The following NOCT variants were observed in gnomAD, a reference collection of about 807,000 sequenced individuals.
NOCT encodes the protein CCR4 carbon catabolite repression 4-like.
In NOCT, 18 loss-of-function variants were observed where a neutral mutation model predicts 35.0. The ratio of observed to expected loss-of-function variants is 0.51; its 90% confidence interval spans 0.36 to 0.76. The LOEUF (loss-of-function observed/expected upper bound fraction) is 0.76. Ranked by LOEUF, NOCT falls within the 30% of genes least tolerant of loss-of-function variation. The pLI is 0.01. For synonymous variants in NOCT, 235 were observed against 226.3 expected (o/e 1.04, Z -0.34); for missense variants, 479 against 541.0 (o/e 0.89, Z 1.14).
chr4:139,026,851 CTTTTTTTTTTCTTTTTT>C (rs1726526697), intron 1 of NOCT, among the ~76,000 whole-genome samples: 1 of 143,976 alleles, frequency 6.9e-6, no homozygotes, highest in African/African-American at 2.6e-5. Flanking sequence ...CATCCCTGGC[CTTTTTTTTTTCTTTTTT>C]TTTTTTTTTT....
intron 1 of NOCT, among the ~76,000 whole-genome samples, chr4:139,035,807 T>G (rs896381788): frequency 6.6e-6 from 1 of 152,170 alleles, no homozygotes; most frequent in African/African-American, 2.4e-5. Context: ...CCTCATCTCC[T>G]TTTATTCAGA....
chr4:139,018,310 TG>T (rs1726351647), intron 1 of NOCT, among the ~76,000 whole-genome samples: 1 of 152,192 alleles, frequency 6.6e-6, no homozygotes, highest in East Asian at 1.9e-4. Flanking sequence ...TACCTCCTCA[TG>T]GGAATACTGT....
chr4:139,034,366 A>G (rs1726689220), intron 1 of NOCT, among the ~76,000 whole-genome samples: 2 of 152,200 alleles, frequency 1.3e-5, no homozygotes, highest in South Asian at 4.1e-4. Flanking sequence ...CATTCAAACC[A>G]TAATAAAGTG....
intron 1 of NOCT, among the ~76,000 whole-genome samples, chr4:139,028,625 T>C (rs2148644042): frequency 6.6e-6 from 1 of 152,322 alleles, no homozygotes; most frequent in African/African-American, 2.4e-5. Flanking sequence ...GCTGCATCGC[T>C]GTTGCCCTGA....
chr4:139,024,884 G>A (rs1300461130), intron 1 of NOCT, among the ~76,000 whole-genome samples: 1 of 152,228 alleles, frequency 6.6e-6, no homozygotes, highest in Non-Finnish European at 1.5e-5. Context: ...CATTACAGGT[G>A]TGAGCCACCG....
chr4:139,016,065 G>C lies in NOCT; in HGVS notation c.84G>C (p.Leu28=). Residue 28 remains leucine (L), a synonymous_variant, in exon 1 of 3, where the codon CTG becomes CTC. Transcript: ENST00000280614. The part of the protein sequence containing the change: ...PGLRRLPAPG[L]RRPLSPPAAV... ...TGCGCCGCCTGCCCGCCCCAGGGCT[G>C]CGCCGCCCGTTGTCCCCGCCGGCTG... The C allele has an allele frequency of 2.2e-6, 3 of 1,390,840 alleles. No homozygotes were observed. Among genetic ancestry groups the C allele is most frequent in the South Asian group, 3.2e-5 (2 of 63,450 alleles). 86.2% of individuals were successfully genotyped at this position (1,390,840 alleles called of 1,614,324 possible). A position where few individuals can be genotyped will look rare whatever the true frequency, so the allele number is the denominator to read the frequency against.
intron 1 of NOCT, among the ~76,000 whole-genome samples, chr4:139,019,909 A>G (rs1178666982): frequency 6.6e-6 from 1 of 152,220 alleles, no homozygotes; most frequent in Non-Finnish European, 1.5e-5. Flanking sequence ...GTTCTCTACC[A>G]TTAGAACATT....
intron 1 of NOCT, among the ~76,000 whole-genome samples, chr4:139,017,597 A>G (rs1726337593): frequency 6.8e-6 from 1 of 147,642 alleles, no homozygotes; most frequent in African/African-American, 2.5e-5. Flanking sequence ...TGGGAGGCGG[A>G]GGCGGGTAGA....
At chr4:139,036,482 A>G (rs1246469401) in intron 1 of NOCT, among the ~76,000 whole-genome samples, 1 of 152,214 alleles carries the variant, frequency 6.6e-6, no homozygotes, top group African/African-American at 2.4e-5. Context: ...GCTACCCATG[A>G]TGGACCAAGT....
Position 139,044,660 on chromosome 4 carries a change from A to C in NOCT, c.482A>C (p.Asn161Thr). The C allele has an allele frequency of 1.9e-6, 3 of 1,613,730 alleles. No individual in the cohort carries two copies. Among genetic ancestry groups the C allele is most frequent in the Non-Finnish European group, 2.5e-6 (3 of 1,179,660 alleles). Residue 161 changes from asparagine to threonine, a missense_variant, in exon 3 of 3, where the codon AAC (asparagine) becomes ACC (threonine). By Grantham distance (65) the Asn-to-Thr change is moderately conservative (BLOSUM62 0). This residue lies in a region of NOCT where 265 missense variants were observed against 257.0 expected (regional missense o/e 1.03). Coordinates refer to ENST00000280614, the MANE Select transcript of NOCT (RefSeq NM_012118.4). ...TCAGCTCTTGGAGAAGGCAAAGACA[A>C]CTTTGTACAGTGCCCTGTTGAAGCA... ...LAQALGEGKD[N>T]FVQCPVEALK... is the part of the protein sequence containing the mutation.
At chr4:139,043,590 G>A (rs1347218728) in intron 2 of NOCT, 1 of 429,206 alleles carries the variant, frequency 2.3e-6, no homozygotes, top group Admixed American at 3.8e-5. Flanking sequence ...CATGGAAGGT[G>A]TAAAGAATAA....
At chr4:139,027,875 CT>C (rs1726553257) in intron 1 of NOCT, among the ~76,000 whole-genome samples, 1 of 152,202 alleles carries the variant, frequency 6.6e-6, no homozygotes, top group Middle Eastern at 3.4e-3. Flanking sequence ...GGTTCCCCCC[CT>C]CCCCCTACCA....
intron 1 of NOCT, 89 bp from the exon 2 acceptor site, chr4:139,042,985 G>T: frequency 8.2e-7 from 1 of 1,226,934 alleles, no homozygotes; most frequent in South Asian, 1.5e-5. Flanking sequence ...CCTGGTTTCG[G>T]TGGACAGTAA....
At chr4:139,019,230 A>C (rs532826277) in intron 1 of NOCT, among the ~76,000 whole-genome samples, 105 of 152,012 alleles carry the variant, frequency 6.9e-4, no homozygotes, top group Non-Finnish European at 1.2e-4. Flanking sequence ...TAATTTTTGT[A>C]TTTAGTAGAG....
intron 1 of NOCT, among the ~76,000 whole-genome samples, chr4:139,026,254 A>G (rs1204825709): frequency 1.3e-5 from 2 of 151,948 alleles, no homozygotes; most frequent in African/African-American, 2.4e-5. Context: ...GGCATGCGCT[A>G]CCACGCCCAG....
chr4:139,031,077 C>A (rs1726615060), intron 1 of NOCT, among the ~76,000 whole-genome samples: 1 of 151,884 alleles, frequency 6.6e-6, no homozygotes, highest in Non-Finnish European at 1.5e-5. Flanking sequence ...AAGCCTAGAA[C>A]AGGCAATTGG....
At position 139,015,874 on chromosome 4, in the gene NOCT, A is replaced by G. The variant is rs892350520; in HGVS notation, c.-108A>G. On this transcript the variant is annotated 5_prime_UTR_variant, in exon 1 of 3. Transcript: ENST00000280614. ...TGCGCCGCGCGAGAAGGAGCCTGGG[A>G]GCATCCGCCCACACTGCCCGGACAG... The G allele has an allele frequency of 8.0e-6, 7 of 874,730 alleles. 1 individual carries two copies. The South Asian group carries it at 2.4e-4, about 30-fold the overall frequency. The allele number at this position is 874,730 out of a possible 1,614,324, so 54.2% of individuals were successfully genotyped here.
Position 139,044,068 on chromosome 4 carries a change from A to G in NOCT, c.461-571A>G, listed in dbSNP as rs140829268. 4.5e-3 allele frequency among the ~76,000 whole-genome samples: 683 copies of G among 150,364 alleles called. 10 individuals are homozygous for G. Among genetic ancestry groups the G allele is most frequent in the African/African-American group, 0.016 (654 of 40,924 alleles). ...GCCAAATTAAAAAACAGATGTGTCA[A>G]TCAACTCTATGTAGCATTGCCTTTT... On this transcript the variant is annotated intron_variant, in intron 2 of 2. Coordinates refer to ENST00000280614, the MANE Select transcript of NOCT (RefSeq NM_012118.4).
chr4:139,039,987 C>G (rs1726806642), intron 1 of NOCT, among the ~76,000 whole-genome samples: 1 of 151,838 alleles, frequency 6.6e-6, no homozygotes. Flanking sequence ...CTCAGCCTCC[C>G]AAAGTGCTGG....
Sources: gnomAD v4.1 joint callset for allele counts (sites outside exome capture counted in the v4.1 genomes callset) on GRCh38, gnomAD v4.1.1 for gene constraint, gnomAD v4.1.1 regional missense constraint, MANE v1.5 for transcripts, NCBI Gene and HGNC (gene_info 2026-07-23, HGNC 2026-07-21) for gene names.